WDR17: variants seen among roughly 807,000 people sequenced by gnomAD.
The protein encoded by WDR17 is WD repeat-containing protein 17.
A neutral mutation model predicts 161.7 loss-of-function variants in WDR17; 143 were observed. The observed-to-expected ratio is 0.88, with a 90% CI of 0.77 to 1.02. The LOEUF (loss-of-function observed/expected upper bound fraction) is 1.02. Ranked by LOEUF, WDR17 falls within the 50% of genes least tolerant of loss-of-function variation. The pLI, the probability that WDR17 is intolerant of heterozygous loss-of-function variation, is 0.00. For missense variants in WDR17, 1,469 were observed against 1,520.9 expected (o/e 0.97, Z 0.57); for synonymous variants, 517 against 515.6 (o/e 1.00, Z -0.04).
At chr4:176,083,846 T>C (rs1213070642) in intron 1 of WDR17, among the ~76,000 whole-genome samples, 1 of 152,154 alleles carries the variant, frequency 6.6e-6, no homozygotes, top group Non-Finnish European at 1.5e-5. Context: ...TGTGGTATTG[T>C]GCAGTTTAGT....
intron 1 of WDR17, among the ~76,000 whole-genome samples, chr4:176,078,102 T>C (rs1734277856): frequency 6.6e-6 from 1 of 152,140 alleles, no homozygotes; most frequent in South Asian, 2.1e-4. Context: ...ATTTGTTGCA[T>C]GTATCACTAG....
Position 176,119,997 on chromosome 4 carries a change from T to A in WDR17, c.438T>A (p.His146Gln). The change falls in exon 4 of 29, where the codon CAT becomes CAA. Residue 146 changes from histidine to glutamine, a missense_variant. Physicochemically the swap from His to Gln is conservative, Grantham distance 24. Transcript: ENST00000508596. ...GAGTGATTGTACACAAAGATGCTCA[T>A]AGCTTCTTGTCTGATATCTGTATGT... ...DSGVIVHKDA[H>Q]SFLSDICMFR... 2.5e-6 allele frequency: 4 copies of A among 1,614,000 alleles called. No individual in the cohort carries two copies. Among genetic ancestry groups the A allele is most frequent in the Non-Finnish European group, 3.4e-6 (4 of 1,179,932 alleles).
rs751449386 is a variant in WDR17 at position 176,168,717 on chromosome 4, A to G, written c.3036A>G (p.Leu1012=). The change falls in exon 23 of 29, where the codon CTA becomes CTG. Residue 1012 remains leucine (L), a synonymous_variant. Coordinates refer to ENST00000508596, the MANE Select transcript of WDR17 (RefSeq NM_181265.4). ...DLLLMIPDNE[L]HLIKLCAFYP... ...TTCTGATGATTCCTGATAATGAACT[A>G]CATTTAATAAAACTCTGTGCTTTCT... The G allele has an allele frequency of 6.2e-7, 1 of 1,613,622 alleles. No homozygotes were observed. The highest frequency in any genetic ancestry group is 1.7e-5 in the Admixed American group (1 of 60,000).
chr4:176,115,202 T>C (rs1257297524), intron 2 of WDR17, among the ~76,000 whole-genome samples: 1 of 151,938 alleles, frequency 6.6e-6, no homozygotes, highest in Non-Finnish European at 1.5e-5. Flanking sequence ...CTAAAAATGA[T>C]AGAGATTAAT....
chr4:176,083,774 G>T (rs886612938), intron 1 of WDR17, among the ~76,000 whole-genome samples: 16 of 152,066 alleles, frequency 1.1e-4, no homozygotes, highest in African/African-American at 3.1e-4. Context: ...CAAAGCATTT[G>T]CCCCAGTTTA....
intron 16 of WDR17, 55 bp from the exon 17 acceptor site, chr4:176,151,757 A>G: frequency 6.8e-7 from 1 of 1,466,818 alleles, no homozygotes. Flanking sequence ...ATTGTGACAC[A>G]TACAAAACAA....
rs114737782 is a variant in WDR17, at chr4:176,105,094, T to A, written c.-6-6481T>A. Among the ~76,000 whole-genome samples the A allele has an allele frequency of 4.6e-3, 705 of 151,944 alleles. 4 individuals carry two copies. The highest frequency in any genetic ancestry group is 0.027 in the Middle Eastern group (8 of 294). ...AAAGCAGGCATGCCCTATATTAATA[T>A]TAGATGAAATTGATTTTTAGTCAAA... On this transcript the variant is annotated intron_variant, in intron 1 of 28. Coordinates refer to ENST00000508596, the MANE Select transcript of WDR17 (RefSeq NM_181265.4).
intron 8 of WDR17, among the ~76,000 whole-genome samples, chr4:176,137,122 A>G (rs1484509240): frequency 6.6e-6 from 1 of 151,638 alleles, no homozygotes; most frequent in Non-Finnish European, 1.5e-5. Flanking sequence ...TCATGGAAGT[A>G]TGAATGCTGA....
At chr4:176,144,474 T>C (rs916757693) in intron 11 of WDR17, among the ~76,000 whole-genome samples, 4 of 152,202 alleles carry the variant, frequency 2.6e-5, no homozygotes, top group Non-Finnish European at 5.9e-5. Context: ...TGCAAATGAA[T>C]AGAATTACCT....
In WDR17 at chr4:176,179,583, A is replaced by T. The variant is rs1185677569; in HGVS notation, c.*4A>T. On this transcript the variant is annotated 3_prime_UTR_variant, in exon 29 of 29. Transcript: ENST00000508596. ...AATACGACTCAATCCATTCTGATAG[A>T]AGATTTTTGTCCATGCTTGATTTTT... The T allele has an allele frequency of 1.3e-6, 2 of 1,543,312 alleles. No homozygotes were observed. Among genetic ancestry groups the T allele is most frequent in the Non-Finnish European group, 1.7e-6 (2 of 1,145,922 alleles).
At chr4:176,145,268 C>T (rs1745983968) in intron 11 of WDR17, among the ~76,000 whole-genome samples, 1 of 152,138 alleles carries the variant, frequency 6.6e-6, no homozygotes, top group Non-Finnish European at 1.5e-5. Context: ...AATTCCTTTC[C>T]TAGCAGTATT....
Position 176,115,808 on chromosome 4 carries a change from T to C in WDR17, c.136T>C (p.Tyr46His). Residue 46 changes from tyrosine to histidine, a missense_variant, in exon 3 of 29, where the codon TAT becomes CAT. Physicochemically the swap from Tyr to His is moderately conservative, Grantham distance 83. Coordinates refer to ENST00000508596, the MANE Select transcript of WDR17 (RefSeq NM_181265.4). ...TATTTTGTTTTAGTTGGATCACCGTTATAATGAATTCAAACTTCACGCAAT... is the reference window on the plus strand; with the variant it reads ...TATTTTGTTTTAGTTGGATCACCGTCATAATGAATTCAAACTTCACGCAAT... ...AIYIYQLDHR[Y>H]NEFKLHAIMS... is the part of the protein sequence containing the mutation. 6.2e-7 allele frequency: 1 copy of C among 1,604,738 alleles called. No homozygotes were observed. Among genetic ancestry groups the C allele is most frequent in the Non-Finnish European group, 8.5e-7 (1 of 1,175,488 alleles).
intron 1 of WDR17, among the ~76,000 whole-genome samples, chr4:176,082,790 A>G (rs933444078): frequency 1.3e-5 from 2 of 150,592 alleles, no homozygotes; most frequent in Non-Finnish European, 3.0e-5. Context: ...CATTTTACAA[A>G]ATGCTTTTCA....
intron 1 of WDR17, among the ~76,000 whole-genome samples, chr4:176,067,964 A>T (rs777352620): frequency 2.6e-5 from 4 of 152,238 alleles, no homozygotes; most frequent in Non-Finnish European, 2.9e-5. Context: ...TGTTGCCTAA[A>T]TACTTTAATG....
Position 176,182,207 on chromosome 4 carries a change from G to A in WDR17, c.*2628G>A, listed in dbSNP as rs1752224201. On this transcript the variant is annotated 3_prime_UTR_variant, in exon 29 of 29. Coordinates refer to ENST00000508596, the MANE Select transcript of WDR17 (RefSeq NM_181265.4). The surrounding 1 kb of genome is among the most constrained non-coding windows in gnomAD (Gnocchi z 4.2). ...CCTCTGTAAAGGAAGAGTCTCATTA[G>A]ACAATGATTTTTAAAGCATTGGAAA... 1 of 151,932 alleles carries A rather than the reference G, an allele frequency of 6.6e-6. No individual in the cohort carries two copies. Among genetic ancestry groups the A allele is most frequent in the Non-Finnish European group, 1.5e-5 (1 of 67,914 alleles). The allele number at this position is 151,932 out of a possible 1,614,324, so 9.4% of individuals were successfully genotyped here.
intron 7 of WDR17, 27 bp downstream of exon 7, chr4:176,131,765 T>C: frequency 2.7e-6 from 4 of 1,495,402 alleles, no homozygotes; most frequent in Non-Finnish European, 2.7e-6. Context: ...TCCTTTATTA[T>C]ACATAATAGT....
At chr4:176,114,458 A>T (rs1444851472) in intron 2 of WDR17, among the ~76,000 whole-genome samples, 1 of 152,124 alleles carries the variant, frequency 6.6e-6, no homozygotes, top group African/African-American at 2.4e-5. Flanking sequence ...TGTTCACTGC[A>T]GCATTATCTG....
intron 3 of WDR17, among the ~76,000 whole-genome samples, chr4:176,119,132 A>G (rs1166315543): frequency 6.6e-6 from 1 of 152,122 alleles, no homozygotes; most frequent in Non-Finnish European, 1.5e-5. Context: ...CTTATTTTAT[A>G]TATGATTTAT....
At chr4:176,086,817 T>G (rs879808276) in intron 1 of WDR17, among the ~76,000 whole-genome samples, 4 of 151,692 alleles carry the variant, frequency 2.6e-5, no homozygotes, top group Non-Finnish European at 4.4e-5. Flanking sequence ...CTTTTTCTTA[T>G]TTACAGTTTT....
Sources: allele counts gnomAD v4.1 joint callset (sites outside exome capture counted in the v4.1 genomes callset), GRCh38; gene constraint gnomAD v4.1.1; non-coding constraint Gnocchi (gnomAD v3.1); transcripts MANE v1.5; gene names NCBI Gene and HGNC (gene_info 2026-07-23, HGNC 2026-07-21).